ZNF512: variants seen among roughly 807,000 people sequenced by gnomAD.
The protein encoded by ZNF512 is zinc finger protein 512.
Under a neutral mutation model 77.5 loss-of-function variants are expected in ZNF512, and 25 were observed. The ratio of observed to expected loss-of-function variants is 0.32; its 90% CI spans 0.23 to 0.45. ZNF512 has a LOEUF of 0.45. Among genes scored for constraint, ZNF512 ranks in the 20% least tolerant of loss-of-function variants. The pLI is 1.00. For missense variants in ZNF512, 483 were observed against 692.6 expected (o/e 0.70, Z 3.40); for synonymous variants, 246 against 239.9 (o/e 1.03, Z -0.24).
chr2:27,607,265 C>G (rs1227918014), intron 9 of ZNF512, among the ~76,000 whole-genome samples: 1 of 151,964 alleles, frequency 6.6e-6, no homozygotes, highest in Non-Finnish European at 1.5e-5. Context: ...TTATGTTTTA[C>G]ATTTAGGGCT....
At chr2:27,614,304 T>TACA (rs1254909364) in intron 10 of ZNF512, among the ~76,000 whole-genome samples, 1 of 152,204 alleles carries the variant, frequency 6.6e-6, no homozygotes, top group Non-Finnish European at 1.5e-5. Context: ...TAGTTGTAGT[T>TACA]GTAAGGAGAG....
chr2:27,615,376 A>T, intron 11 of ZNF512, 107 bp downstream of exon 11: 1 of 668,840 alleles, frequency 1.5e-6, no homozygotes, highest in Non-Finnish European at 2.4e-6. Context: ...GTGGCTTAAA[A>T]CAATTATTTT....
chr2:27,607,832 C>T lies in ZNF512; in HGVS notation c.937-13C>T, dbSNP rs1672439258. On this transcript the variant is annotated splice_polypyrimidine_tract_variant and intron_variant, in intron 9 of 13. Coordinates refer to ENST00000355467, the MANE Select transcript of ZNF512 (RefSeq NM_032434.4). ...TTATCAGGCCTGTGTTTTGCTGTGTCTCATTCTTGCAGATATCCTTCTTTC... is the reference window on the plus strand; with the variant it reads ...TTATCAGGCCTGTGTTTTGCTGTGTTTCATTCTTGCAGATATCCTTCTTTC... 1 of 1,613,762 alleles carries T rather than the reference C, an allele frequency of 6.2e-7. No individual in the cohort carries two copies. The highest frequency in any genetic ancestry group is 2.2e-5 in the East Asian group (1 of 44,898).
chr2:27,592,583 G>A lies in ZNF512; in HGVS notation c.90-5484G>A, dbSNP rs1274168756. Among the ~76,000 whole-genome samples the A allele has an allele frequency of 3.3e-5, 5 of 151,416 alleles. No homozygotes were observed. The East Asian group carries it at 5.8e-4, about 18-fold the overall frequency. On this transcript the variant is annotated intron_variant, in intron 2 of 13. Coordinates refer to ENST00000355467, the MANE Select transcript of ZNF512 (RefSeq NM_032434.4). ...GCCTGCCTTGGCCTCCCAAAGTGCTGGGATTACAGGTGTGAGCCACCATGC... is the reference window on the plus strand; with the variant it reads ...GCCTGCCTTGGCCTCCCAAAGTGCTAGGATTACAGGTGTGAGCCACCATGC...
In ZNF512 at chr2:27,613,879, T is replaced by G. The variant is rs912474465; in HGVS notation, c.1132-1289T>G. Among the ~76,000 whole-genome samples, 5 of 152,220 alleles carry G rather than the reference T, an allele frequency of 3.3e-5. No individual in the cohort carries two copies. In the East Asian group the frequency reaches 7.7e-4, roughly 23 times the overall value. On this transcript the variant is annotated intron_variant, in intron 10 of 13. Coordinates refer to ENST00000355467, the MANE Select transcript of ZNF512 (RefSeq NM_032434.4). The stretch of plus-strand genomic sequence containing the variant: ...TTATTACTATTACTAATATGATAGT[T>G]TATTACTATCATATTTATGATAGTA...
rs1671366305 is a variant in ZNF512 at position 27,587,184 on chromosome 2, A to G, written c.89+3468A>G. Among the ~76,000 whole-genome samples, 5 of 151,860 alleles carry G rather than the reference A, an allele frequency of 3.3e-5. No homozygotes were observed. The South Asian group carries it at 1.0e-3, about 32-fold the overall frequency. ...CAAAGTGGTATTATTTTGCATTCCTACCAGCAATGTATGAGTCAGTCTTTT... is the reference window on the plus strand; with the variant it reads ...CAAAGTGGTATTATTTTGCATTCCTGCCAGCAATGTATGAGTCAGTCTTTT... On this transcript the variant is annotated intron_variant, in intron 2 of 13. Coordinates refer to ENST00000355467, the MANE Select transcript of ZNF512 (RefSeq NM_032434.4).
In ZNF512 at chr2:27,602,559, G is replaced by A; in HGVS notation, c.766G>A (p.Glu256Lys). ...KRLGKLRCMR[E>K]SCSSSFTSIM... ...ACTGGGAAAGCTCAGGTGCATGCGTGAGGTAAGGGCCCAAGGACAGCAATT... is the reference window on the plus strand; with the variant it reads ...ACTGGGAAAGCTCAGGTGCATGCGTAAGGTAAGGGCCCAAGGACAGCAATT... Residue 256 changes from glutamate to lysine, a missense_variant and splice_region_variant, in exon 8 of 14, where the codon GAG becomes AAG. This residue lies in a region of ZNF512 where 324 missense variants were observed against 525.0 expected (regional missense o/e 0.62). Coordinates refer to ENST00000355467, the MANE Select transcript of ZNF512 (RefSeq NM_032434.4). 1 of 1,612,834 alleles carries A rather than the reference G, an allele frequency of 6.2e-7. No individual in the cohort carries two copies. Among genetic ancestry groups the A allele is most frequent in the South Asian group, 1.1e-5 (1 of 90,726 alleles).
chr2:27,586,047 C>T lies in ZNF512; in HGVS notation c.89+2331C>T, dbSNP rs76571669. 7.6e-3 allele frequency among the ~76,000 whole-genome samples: 1,152 copies of T among 152,258 alleles called. 12 individuals are homozygous for T. Among genetic ancestry groups the T allele is most frequent in the African/African-American group, 0.026 (1,087 of 41,548 alleles). The stretch of plus-strand genomic sequence containing the variant: ...TTAATCTCCAAGAGTTAATTATGAT[C>T]ATATGAACTGTTGCCTTTTCAGTAT... On this transcript the variant is annotated intron_variant, in intron 2 of 13. Transcript: ENST00000355467.
chr2:27,613,182 T>TA (rs146911712), intron 10 of ZNF512, among the ~76,000 whole-genome samples: 440 of 152,266 alleles, frequency 2.9e-3, no homozygotes, highest in African/African-American at 0.01. Context: ...ATTTTTTTGA[T>TA]ACTCTGCTTT....
At chr2:27,590,328 C>G (rs1184612813) in intron 2 of ZNF512, among the ~76,000 whole-genome samples, 2 of 152,034 alleles carry the variant, frequency 1.3e-5, no homozygotes, top group African/African-American at 2.4e-5. Context: ...TGGCAGTACT[C>G]TTTGTCTTGA....
intron 9 of ZNF512, among the ~76,000 whole-genome samples, chr2:27,605,409 G>T (rs1672306909): frequency 6.6e-6 from 1 of 151,580 alleles, no homozygotes; most frequent in South Asian, 2.1e-4. Flanking sequence ...AGCCGAGATG[G>T]TGCCACTGCA....
chr2:27,619,635 T>C (rs1673038903), intron 13 of ZNF512, among the ~76,000 whole-genome samples: 2 of 152,074 alleles, frequency 1.3e-5, no homozygotes, highest in South Asian at 4.2e-4. Context: ...TACACTACTT[T>C]TTTTTTTTTA....
At chr2:27,617,304 T>G in intron 12 of ZNF512, 169 bp from the exon 13 acceptor site, 1 of 581,874 alleles carries the variant, frequency 1.7e-6, no homozygotes, top group Non-Finnish European at 3.1e-6. Context: ...ATGTTGATAA[T>G]CATCCATCCA....
intron 2 of ZNF512, among the ~76,000 whole-genome samples, chr2:27,587,076 A>C (rs1671361953): frequency 6.6e-6 from 1 of 152,180 alleles, no homozygotes; most frequent in African/African-American, 2.4e-5. Flanking sequence ...TTTGATAAAT[A>C]TCTAAGATGG....
In ZNF512 at chr2:27,617,574, G is replaced by A; in HGVS notation, c.1395+3G>A. The A allele has an allele frequency of 1.8e-6, 2 of 1,132,778 alleles. No homozygotes were observed. Among genetic ancestry groups the A allele is most frequent in the Non-Finnish European group, 2.7e-6 (2 of 740,158 alleles). 70.2% of individuals were successfully genotyped at this position (1,132,778 alleles called of 1,614,324 possible). On this transcript the variant is annotated splice_donor_region_variant and intron_variant, in intron 13 of 13. Transcript: ENST00000355467. Reference sequence around the variant, plus strand: ...ACATCAACTCCGTCCATGCTGAGGTGAGGTTTTTGTAATCCTGTGGGCCTG... The same window carrying A: ...ACATCAACTCCGTCCATGCTGAGGTAAGGTTTTTGTAATCCTGTGGGCCTG...
At chr2:27,584,830 A>G (rs1671257068) in intron 2 of ZNF512, among the ~76,000 whole-genome samples, 1 of 152,108 alleles carries the variant, frequency 6.6e-6, no homozygotes, top group Non-Finnish European at 1.5e-5. Context: ...GCGTTTAGAG[A>G]GGTTAGTAGG....
intron 8 of ZNF512, 127 bp downstream of exon 8, chr2:27,602,688 C>A: frequency 4.2e-6 from 3 of 708,110 alleles, no homozygotes; most frequent in Non-Finnish European, 6.6e-6. Flanking sequence ...TCTCTTGAAT[C>A]ATTAATAGTT....
In ZNF512 at chr2:27,622,383, G is replaced by GAA. The variant is rs1476049404; in HGVS notation, c.*923_*924insAA. ...CCAAGGTGCGCATTCCTTCTCCCTGGACTTTACCTTACTTGTTAGTCTACG... is the reference window on the plus strand; with the variant it reads ...CCAAGGTGCGCATTCCTTCTCCCTGGAAACTTTACCTTACTTGTTAGTCTACG... On this transcript the variant is annotated 3_prime_UTR_variant, in exon 14 of 14. Transcript: ENST00000355467. 6.6e-6 allele frequency: 1 copy of GAA among 152,670 alleles called. No individual in the cohort carries two copies. The highest frequency in any genetic ancestry group is 2.4e-5 in the African/African-American group (1 of 41,398). 9.5% of individuals were successfully genotyped at this position (152,670 alleles called of 1,614,324 possible). A position where few individuals can be genotyped will look rare whatever the true frequency, so the allele number is the denominator to read the frequency against.
At chr2:27,608,870 G>A (rs574732898) in intron 10 of ZNF512, among the ~76,000 whole-genome samples, 2 of 152,162 alleles carry the variant, frequency 1.3e-5, no homozygotes, top group Admixed American at 1.3e-4. Context: ...CAGTACTTTG[G>A]GAGGCTGAGG....
Sources: gnomAD v4.1 joint callset for allele counts (sites outside exome capture counted in the v4.1 genomes callset) on GRCh38, gnomAD v4.1.1 for gene constraint, gnomAD v4.1.1 regional missense constraint, MANE v1.5 for transcripts, NCBI Gene and HGNC (gene_info 2026-07-23, HGNC 2026-07-21) for gene names.